The following WDR64 variants were observed in gnomAD, a reference collection of about 807,000 sequenced individuals.
The protein encoded by WDR64 is WD repeat domain 64.
WDR64 carries 112 observed loss-of-function variants against 139.3 expected under a neutral mutation model. The observed-to-expected ratio is 0.80, with a 90% confidence interval of 0.69 to 0.94. The LOEUF (loss-of-function observed/expected upper bound fraction) is 0.94. Among genes scored for constraint, WDR64 ranks in the 40% least tolerant of loss-of-function variants. The probability of loss-of-function intolerance (pLI) is 0.00; values close to 1 mark genes in which losing one functional copy is unlikely to be tolerated. For synonymous variants in WDR64, 444 were observed against 437.7 expected (o/e 1.01, Z -0.18); for missense variants, 1,206 against 1,293.1 (o/e 0.93, Z 1.03).
At chr1:241,711,549 A>C (rs995948087) in intron 8 of WDR64, among the ~76,000 whole-genome samples, 5 of 152,186 alleles carry the variant, frequency 3.3e-5, no homozygotes, top group Non-Finnish European at 5.9e-5. Flanking sequence ...GCAAAACCAC[A>C]AACCCAGCAT....
chr1:241,789,198 A>C (rs1659143376), intron 24 of WDR64, among the ~76,000 whole-genome samples: 1 of 152,172 alleles, frequency 6.6e-6, no homozygotes, highest in Non-Finnish European at 1.5e-5. Flanking sequence ...TGGTACATAC[A>C]GGACAGCTTT....
In WDR64 at chr1:241,796,467, G is replaced by A. The variant is rs1659367436; in HGVS notation, c.3192+97G>A. 3.7e-6 allele frequency: 3 copies of A among 804,620 alleles called. No individual in the cohort carries two copies. In the East Asian group the frequency reaches 8.9e-5, roughly 24 times the overall value. 49.8% of individuals were successfully genotyped at this position (804,620 alleles called of 1,614,324 possible). A position where few individuals can be genotyped will look rare whatever the true frequency, so the allele number is the denominator to read the frequency against. ...ATGTCTCTGCTTTCAGAAACATTCT[G>A]AACCTAAAATCATTTCAGTTCATAC... On this transcript the variant is annotated intron_variant, in intron 27 of 27. Transcript: ENST00000437684.
intron 8 of WDR64, among the ~76,000 whole-genome samples, chr1:241,687,934 C>T (rs1667072207): frequency 6.6e-6 from 1 of 152,178 alleles, no homozygotes; most frequent in African/African-American, 2.4e-5. Flanking sequence ...GGTCAGTTGG[C>T]TAACCAAGAG....
chr1:241,711,040 C>T (rs890844308), intron 8 of WDR64, among the ~76,000 whole-genome samples: 2 of 152,128 alleles, frequency 1.3e-5, no homozygotes, highest in African/African-American at 4.8e-5. Flanking sequence ...AGTTTGAGAC[C>T]AGCCTGTCCA....
chr1:241,680,405 A>G (rs998156745), intron 6 of WDR64, among the ~76,000 whole-genome samples: 5 of 152,204 alleles, frequency 3.3e-5, no homozygotes, highest in African/African-American at 4.8e-5. Flanking sequence ...TGGTCAACGT[A>G]CTTTATTATG....
chr1:241,689,621 AAG>A, intron 8 of WDR64, among the ~76,000 whole-genome samples: 1 of 152,318 alleles, frequency 6.6e-6, no homozygotes, highest in Middle Eastern at 3.4e-3. Flanking sequence ...GAGACAGAAC[AAG>A]CATCAGAATC....
At chr1:241,722,803 T>C (rs1668658425) in intron 9 of WDR64, among the ~76,000 whole-genome samples, 1 of 152,156 alleles carries the variant, frequency 6.6e-6, no homozygotes, top group African/African-American at 2.4e-5. Flanking sequence ...TACACATAAA[T>C]TATATATGCC....
In WDR64 at chr1:241,772,858, A is replaced by G. The variant is rs1574087239; in HGVS notation, c.2357A>G (p.Asn786Ser). The part of the protein sequence containing the change: ...PMDKKHPGIA[N>S]LPEAQPPILV... ...GACAAAAAACACCCTGGAATTGCCA[A>G]TTTACCAGAAGCCCAGCCACCTATC... The change falls in exon 20 of 28, where the codon AAT becomes AGT. Residue 786 changes from asparagine (N) to serine (S), a missense_variant. Transcript: ENST00000437684. 6.4e-7 allele frequency: 1 copy of G among 1,552,078 alleles called. No individual in the cohort carries two copies. Among genetic ancestry groups the G allele is most frequent in the Non-Finnish European group, 8.7e-7 (1 of 1,147,056 alleles).
chr1:241,748,191 G>C (rs1459905573), intron 13 of WDR64, among the ~76,000 whole-genome samples: 4 of 152,210 alleles, frequency 2.6e-5, no homozygotes, highest in Non-Finnish European at 4.4e-5. Context: ...AAGACCTATT[G>C]TAAGGGAGAA....
At chr1:241,721,270 C>G (rs1296780510) in intron 9 of WDR64, among the ~76,000 whole-genome samples, 13 of 152,128 alleles carry the variant, frequency 8.5e-5, no homozygotes, top group Non-Finnish European at 1.5e-5. Flanking sequence ...ACTGTCTTTG[C>G]TGTTCAGGCT....
rs144053016 is a variant in WDR64 at position 241,663,603 on chromosome 1, G to A, written c.276+2943G>A. 4.5e-3 allele frequency among the ~76,000 whole-genome samples: 679 copies of A among 152,320 alleles called. 3 individuals are homozygous for A. Among genetic ancestry groups the A allele is most frequent in the African/African-American group, 0.016 (653 of 41,550 alleles). On this transcript the variant is annotated intron_variant, in intron 2 of 27. Coordinates refer to ENST00000437684, the MANE Select transcript of WDR64 (RefSeq NM_001367482.1). ...TTTAAAAGCATTGTTATGGACCCCT[G>A]GTAGACGATGGCCCATTAGCTTCCA...
chr1:241,789,440 C>A (rs887138746), intron 24 of WDR64, among the ~76,000 whole-genome samples: 4 of 152,152 alleles, frequency 2.6e-5, no homozygotes, highest in African/African-American at 9.7e-5. Context: ...ATGTTCATTG[C>A]AGCACTATTC....
At position 241,789,183 on chromosome 1, in the gene WDR64, G is replaced by A. The variant is rs541616228; in HGVS notation, c.2891+1149G>A. ...GAATGGTAGACACAGAAGCATGAAAGGGCATGGTACATACAGGACAGCTTT... is the reference window on the plus strand; with the variant it reads ...GAATGGTAGACACAGAAGCATGAAAAGGCATGGTACATACAGGACAGCTTT... On this transcript the variant is annotated intron_variant, in intron 24 of 27. Transcript: ENST00000437684. Among the ~76,000 whole-genome samples the A allele has an allele frequency of 2.4e-4, 36 of 152,216 alleles. No homozygotes were observed. The East Asian group carries it at 7.0e-3, about 29-fold the overall frequency.
At chr1:241,748,813 G>A (rs1669864751) in intron 13 of WDR64, among the ~76,000 whole-genome samples, 1 of 151,792 alleles carries the variant, frequency 6.6e-6, no homozygotes, top group Non-Finnish European at 1.5e-5. Flanking sequence ...GGTGGTGGGC[G>A]CCTGCAGTCC....
intron 8 of WDR64, among the ~76,000 whole-genome samples, chr1:241,706,350 T>C (rs1335293727): frequency 6.6e-6 from 1 of 152,242 alleles, no homozygotes; most frequent in Admixed American, 6.5e-5. Context: ...CAAGAAGATT[T>C]GCTGTTGGGG....
intron 10 of WDR64, among the ~76,000 whole-genome samples, chr1:241,729,650 A>G (rs1668997152): frequency 6.6e-6 from 1 of 152,144 alleles, no homozygotes; most frequent in African/African-American, 2.4e-5. Context: ...GTCATGCCCA[A>G]AGCCTTCACT....
chr1:241,738,878 G>C (rs1045222842), intron 11 of WDR64, among the ~76,000 whole-genome samples: 1 of 152,172 alleles, frequency 6.6e-6, no homozygotes, highest in Non-Finnish European at 1.5e-5. Flanking sequence ...AAAGAAGTGG[G>C]ATGTATGTAA....
At chr1:241,705,316 C>T (rs1361614885) in intron 8 of WDR64, among the ~76,000 whole-genome samples, 5 of 151,738 alleles carry the variant, frequency 3.3e-5, no homozygotes, top group African/African-American at 4.8e-5. Context: ...CCAAGGAGGG[C>T]GGATCATGAG....
At chr1:241,705,492 A>C (rs1373359142) in intron 8 of WDR64, among the ~76,000 whole-genome samples, 1 of 151,252 alleles carries the variant, frequency 6.6e-6, no homozygotes, top group Non-Finnish European at 1.5e-5. Context: ...CAGTGAGCCG[A>C]GATCGCGCCA....
Sources: gnomAD v4.1 joint callset for allele counts (sites outside exome capture counted in the v4.1 genomes callset) on GRCh38, gnomAD v4.1.1 for gene constraint, MANE v1.5 for transcripts, NCBI Gene and HGNC (gene_info 2026-07-23, HGNC 2026-07-21) for gene names.